The following PFKFB2 variants were observed in gnomAD, a reference collection of about 807,000 sequenced individuals.
The protein encoded by PFKFB2 is 6-phosphofructo-2-kinase/fructose-2,6-bisphosphatase 2.
PFKFB2 carries 53 observed loss-of-function variants against 68.0 expected under a neutral mutation model. The observed-to-expected ratio is 0.78, with a 90% CI of 0.63 to 0.98. PFKFB2 has a LOEUF of 0.98. Among genes scored for constraint, PFKFB2 ranks in the 50% least tolerant of loss-of-function variants. The pLI, the probability that PFKFB2 is intolerant of heterozygous loss-of-function variation, is 0.00. For missense variants in PFKFB2, 451 were observed against 642.0 expected, an observed-to-expected ratio of 0.70 and a Z score of 3.22; for synonymous variants, 222 against 227.6, an observed-to-expected ratio of 0.98 and a Z score of 0.22.
chr1:207,050,418 G>A (rs1171063455), upstream of PFKFB2, among the ~76,000 whole-genome samples: 2 of 152,190 alleles, frequency 1.3e-5, no homozygotes, highest in Admixed American at 6.5e-5. Flanking sequence ...AAAACAAAAT[G>A]GGATAGTTTC....
Position 207,070,500 on chromosome 1 carries a change from G to A in PFKFB2, c.1222+91G>A. 7.0e-7 allele frequency: 1 copy of A among 1,424,696 alleles called. No homozygotes were observed. The allele number at this position is 1,424,696 out of a possible 1,614,324, so 88.3% of individuals were successfully genotyped here. On this transcript the variant is annotated intron_variant, in intron 12 of 14. Transcript: ENST00000367080. This position sits in a 1 kb window ranked among gnomAD's most constrained non-coding sequence, Gnocchi z 4.2. ...GGATTCCTGGGAAACAGACCTCCCT[G>A]TCTCCACTCAAATTAGAGTACTTTC...
At position 207,062,644 on chromosome 1, in the gene PFKFB2, G is replaced by A. The variant is rs1274763372; in HGVS notation, c.236G>A (p.Arg79His). The part of the protein sequence containing the change: ...TKVFNLGVYR[R>H]EAVKSYKSYD... ...GTGTTTAATCTTGGGGTGTATCGGC[G>A]TGAAGCAGTCAAGTCCTATAAGTCC... Residue 79 changes from arginine to histidine, a missense_variant, in exon 4 of 15, where the codon CGT becomes CAT. Coordinates refer to ENST00000367080, the MANE Select transcript of PFKFB2 (RefSeq NM_006212.2). 21 of 1,614,114 alleles carry A rather than the reference G, an allele frequency of 1.3e-5. No individual in the cohort carries two copies. The highest frequency in any genetic ancestry group is 1.5e-5 in the Non-Finnish European group (18 of 1,179,980).
Position 207,073,829 on chromosome 1 carries a change from T to C in PFKFB2, c.*1458T>C. The C allele has an allele frequency of 8.1e-6, 8 of 985,408 alleles. No individual in the cohort carries two copies. The highest frequency in any genetic ancestry group is 9.6e-6 in the Non-Finnish European group (8 of 829,890). The allele number at this position is 985,408 out of a possible 1,614,324, so 61.0% of individuals were successfully genotyped here. A position where few individuals can be genotyped will look rare whatever the true frequency, so the allele number is the denominator to read the frequency against. ...TTTGCATGCAAAATGTACGAATATA[T>C]GTATGTTTTTCTGAGAGGCAAGTTT... On this transcript the variant is annotated 3_prime_UTR_variant, in exon 15 of 15. Coordinates refer to ENST00000367080, the MANE Select transcript of PFKFB2 (RefSeq NM_006212.2).
chr1:207,071,739 T>G (rs1000972941), intron 14 of PFKFB2, among the ~76,000 whole-genome samples, 166 bp downstream of exon 14: 1 of 152,074 alleles, frequency 6.6e-6, no homozygotes, highest in African/African-American at 2.4e-5. Flanking sequence ...GGAATTATTT[T>G]TTTTTTAAAT....
chr1:207,062,756 T>G (rs1274644645), intron 4 of PFKFB2, 40 bp downstream of exon 4: 6 of 1,584,052 alleles, frequency 3.8e-6, no homozygotes, highest in Non-Finnish European at 4.3e-6. Context: ...GTCAGCTCTT[T>G]CTTGGCCGTC....
chr1:207,071,926 G>T (rs754294075), intron 14 of PFKFB2, among the ~76,000 whole-genome samples: 1 of 152,186 alleles, frequency 6.6e-6, no homozygotes, highest in East Asian at 1.9e-4. Flanking sequence ...GTGTAGGTTT[G>T]TTCCTAGGTC....
intron 2 of PFKFB2, among the ~76,000 whole-genome samples, chr1:207,061,389 G>A (rs1456103567): frequency 6.6e-6 from 1 of 151,242 alleles, no homozygotes; most frequent in Non-Finnish European, 1.5e-5. Flanking sequence ...GGGTACTGCA[G>A]TGAAGACCTC....
rs988377702 is a variant in PFKFB2 at position 207,070,081 on chromosome 1, A to G, written c.1093-199A>G. On this transcript the variant is annotated intron_variant, in intron 11 of 14. Transcript: ENST00000367080. The surrounding 1 kb of genome is among the most constrained non-coding windows in gnomAD (Gnocchi z 4.2). ...AACCTGTAGTTTTCTTGGTCTAAAT[A>G]TTGCTTTTGAAAGATCTGAGTTTTC... 4.6e-5 allele frequency among the ~76,000 whole-genome samples: 7 copies of G among 152,160 alleles called. No homozygotes were observed. Among genetic ancestry groups the G allele is most frequent in the Non-Finnish European group, 2.9e-5 (2 of 68,020 alleles).
At chr1:207,058,642 C>G (rs1443036138) in intron 2 of PFKFB2, among the ~76,000 whole-genome samples, 1 of 151,692 alleles carries the variant, frequency 6.6e-6, no homozygotes, top group Non-Finnish European at 1.5e-5. Context: ...ATTTTGAGAC[C>G]GGGTTATGAG....
chr1:207,035,936 G>A (rs1047564712), intron 1 of PFKFB2, among the ~76,000 whole-genome samples: 6 of 152,094 alleles, frequency 3.9e-5, no homozygotes, highest in African/African-American at 1.4e-4. Flanking sequence ...AATAGACAGG[G>A]CCATGGAACA....
Position 207,075,020 on chromosome 1 carries a change from GGCAT to G in PFKFB2, c.*2650_*2653del. 1 of 985,442 alleles carries G rather than the reference GGCAT, an allele frequency of 1.0e-6. No individual in the cohort carries two copies. The highest frequency in any genetic ancestry group is 1.2e-6 in the Non-Finnish European group (1 of 829,954). 61.0% of individuals were successfully genotyped at this position (985,442 alleles called of 1,614,324 possible). A position where few individuals can be genotyped will look rare whatever the true frequency, so the allele number is the denominator to read the frequency against. The stretch of plus-strand genomic sequence containing the variant: ...GATGGTGGCATCTGTAGCCCAAATG[GGCAT>G]TCAGTCTTTTCTTCTGCTGTGAGGT... On this transcript the variant is annotated 3_prime_UTR_variant, in exon 15 of 15. Coordinates refer to ENST00000367080, the MANE Select transcript of PFKFB2 (RefSeq NM_006212.2).
intron 2 of PFKFB2, among the ~76,000 whole-genome samples, chr1:207,060,248 A>G (rs1683047893): frequency 6.6e-6 from 1 of 152,210 alleles, no homozygotes; most frequent in Non-Finnish European, 1.5e-5. Context: ...TTGACTCATT[A>G]TGTGTCCCTA....
intron 10 of PFKFB2, among the ~76,000 whole-genome samples, chr1:207,069,074 C>T (rs1006376230): frequency 6.6e-6 from 1 of 152,098 alleles, no homozygotes; most frequent in African/African-American, 2.4e-5. Context: ...TTCCTTCTAC[C>T]CTTTTATTTT....
At chr1:207,055,590 A>T (rs1171495927) in intron 2 of PFKFB2, among the ~76,000 whole-genome samples, 1 of 151,804 alleles carries the variant, frequency 6.6e-6, no homozygotes, top group African/African-American at 2.4e-5. Flanking sequence ...CTGCTTCTGG[A>T]TGGCACCATT....
intron 11 of PFKFB2, among the ~76,000 whole-genome samples, chr1:207,069,931 A>G (rs1255717278): frequency 6.6e-6 from 1 of 152,174 alleles, no homozygotes; most frequent in Non-Finnish European, 1.5e-5. Flanking sequence ...GTGTGAGGCA[A>G]AAGTAAATAA....
In PFKFB2 at chr1:207,075,571, T is replaced by G. The variant is rs762247452; in HGVS notation, c.*3200T>G. 78 of 985,234 alleles carry G rather than the reference T, an allele frequency of 7.9e-5. No individual in the cohort carries two copies. The highest frequency in any genetic ancestry group is 9.4e-5 in the Non-Finnish European group (78 of 829,858). 61.0% of individuals were successfully genotyped at this position (985,234 alleles called of 1,614,324 possible). A position where few individuals can be genotyped will look rare whatever the true frequency, so the allele number is the denominator to read the frequency against. On this transcript the variant is annotated 3_prime_UTR_variant, in exon 15 of 15. Coordinates refer to ENST00000367080, the MANE Select transcript of PFKFB2 (RefSeq NM_006212.2). ...AAAATAAAAATGGACTTAAAAGTAC[T>G]CTCTGCTGAGGCTGTAAGTTTTGTT...
At chr1:207,068,036 T>C (rs1558063459) in intron 9 of PFKFB2, 127 bp from the exon 10 acceptor site, 1 of 817,506 alleles carries the variant, frequency 1.2e-6, no homozygotes, top group Non-Finnish European at 1.9e-6. Context: ...ATTTTGACCA[T>C]GGTTATGCAC....
At chr1:207,066,587 G>A (rs973262761) in intron 8 of PFKFB2, among the ~76,000 whole-genome samples, 1 of 152,124 alleles carries the variant, frequency 6.6e-6, no homozygotes, top group African/African-American at 2.4e-5. Flanking sequence ...ATCTCTGGTA[G>A]TAGGGTGATG....
At chr1:207,037,154 CCA>C (rs1299229621) in intron 1 of PFKFB2, among the ~76,000 whole-genome samples, 3 of 152,204 alleles carry the variant, frequency 2.0e-5, no homozygotes, top group Non-Finnish European at 4.4e-5. Context: ...TCAATGAACT[CCA>C]GTTTGCCAAA....
Sources: gnomAD v4.1 joint callset for allele counts (sites outside exome capture counted in the v4.1 genomes callset) on GRCh38, gnomAD v4.1.1 for gene constraint, Gnocchi (gnomAD v3.1) non-coding constraint, MANE v1.5 for transcripts, NCBI Gene and HGNC (gene_info 2026-07-23, HGNC 2026-07-21) for gene names.